The following WDR76 variants were observed in gnomAD, a reference collection of about 807,000 sequenced individuals.
WDR76 encodes the protein WD repeat domain 76.
WDR76 carries 52 observed loss-of-function variants against 70.2 expected under a neutral mutation model. That is an observed-to-expected ratio of 0.74 (90% confidence interval 0.59 to 0.93). WDR76 has a LOEUF of 0.93. Among genes scored for constraint, WDR76 ranks in the 40% least tolerant of loss-of-function variants. WDR76 has a pLI of 0.00. For synonymous variants in WDR76, 292 were observed against 271.1 expected (o/e 1.08, Z -0.76); for missense variants, 756 against 760.2 (o/e 0.99, Z 0.07).
At chr15:43,841,766 A>C (rs1249093404) in intron 5 of WDR76, among the ~76,000 whole-genome samples, 8 of 152,236 alleles carry the variant, frequency 5.3e-5, no homozygotes, top group Admixed American at 4.6e-4. Context: ...ATACTGAGTA[A>C]TGAGTTAAGA....
intron 4 of WDR76, 22 bp from the exon 5 acceptor site, chr15:43,839,583 G>C (rs745488910): frequency 4.4e-6 from 7 of 1,592,832 alleles, no homozygotes; most frequent in Non-Finnish European, 5.1e-6. Flanking sequence ...AGTATAACAT[G>C]AGTTTTTCCC....
At chr15:43,852,884 CT>C (rs2087879849) in intron 9 of WDR76, among the ~76,000 whole-genome samples, 1 of 151,868 alleles carries the variant, frequency 6.6e-6, no homozygotes, top group Non-Finnish European at 1.5e-5. Context: ...TGTTTCTATT[CT>C]TTCTTTATAT....
Position 43,827,946 on chromosome 15 carries a change from C to G in WDR76, c.61-19C>G. ...ACTTGGAGTTCTAATATTCTGTTTT[C>G]TTTTATTGATCTGAATAGGTAAATG... is the stretch of plus-strand genomic sequence containing the variant. On this transcript the variant is annotated intron_variant, in intron 1 of 12. Transcript: ENST00000263795. 6.4e-7 allele frequency: 1 copy of G among 1,573,478 alleles called. No individual in the cohort carries two copies. The highest frequency in any genetic ancestry group is 8.6e-7 in the Non-Finnish European group (1 of 1,164,130).
chr15:43,855,233 C>T (rs1017402094), intron 9 of WDR76, among the ~76,000 whole-genome samples: 1 of 152,192 alleles, frequency 6.6e-6, no homozygotes, highest in Non-Finnish European at 1.5e-5. Context: ...TTATACTAGG[C>T]ACTATCTTGA....
intron 11 of WDR76, among the ~76,000 whole-genome samples, chr15:43,860,796 A>G (rs1468773175): frequency 6.6e-6 from 1 of 152,008 alleles, no homozygotes; most frequent in Non-Finnish European, 1.5e-5. Flanking sequence ...CATGAGCCAC[A>G]ACACTCAGCC....
intron 11 of WDR76, among the ~76,000 whole-genome samples, chr15:43,859,706 T>G (rs1484867505): frequency 6.6e-6 from 1 of 152,206 alleles, no homozygotes; most frequent in Non-Finnish European, 1.5e-5. Flanking sequence ...TTTCCACTCA[T>G]GTAGTTTCCT....
intron 9 of WDR76, among the ~76,000 whole-genome samples, chr15:43,855,923 A>T (rs2087921099): frequency 6.6e-6 from 1 of 152,036 alleles, no homozygotes; most frequent in African/African-American, 2.4e-5. Flanking sequence ...CCTGTTGTTC[A>T]TTCCCATTAT....
chr15:43,851,858 C>T (rs2087863966), intron 9 of WDR76, among the ~76,000 whole-genome samples: 1 of 152,074 alleles, frequency 6.6e-6, no homozygotes. Flanking sequence ...TCACTTGAGC[C>T]CAGGAGTTCA....
intron 3 of WDR76, 124 bp from the exon 4 acceptor site, chr15:43,836,037 A>C (rs112525768): frequency 2.6e-6 from 2 of 770,564 alleles, no homozygotes. Flanking sequence ...CTCATGGCCT[A>C]TCTTAAGGAT....
intron 12 of WDR76, among the ~76,000 whole-genome samples, chr15:43,862,157 C>A (rs2088005615): frequency 6.6e-6 from 1 of 151,752 alleles, no homozygotes; most frequent in Non-Finnish European, 1.5e-5. Flanking sequence ...TATTTTACAT[C>A]AAACTTTACT....
intron 9 of WDR76, among the ~76,000 whole-genome samples, chr15:43,852,694 T>C (rs1440193170): frequency 6.6e-6 from 1 of 152,172 alleles, no homozygotes; most frequent in African/African-American, 2.4e-5. Flanking sequence ...GGACATTTCA[T>C]ATAAATGAAA....
chr15:43,866,376 A>T lies in WDR76; in HGVS notation c.1865A>T (p.Asn622Ile). ...AGCGGGAAGATACATGTTTTTATGA[A>T]TGAAAAAAGCTGCTGAGTTTTTGGT... ...NSSGKIHVFM[N>I]EKSC is the part of the protein sequence containing the mutation. Residue 622 changes from asparagine to isoleucine, a missense_variant, in exon 13 of 13, where the codon AAT (asparagine) becomes ATT (isoleucine). Physicochemically the swap from Asn to Ile is moderately radical, Grantham distance 149. Coordinates refer to ENST00000263795, the MANE Select transcript of WDR76 (RefSeq NM_024908.4). The T allele has an allele frequency of 6.2e-7, 1 of 1,613,854 alleles. No individual in the cohort carries two copies. Among genetic ancestry groups the T allele is most frequent in the Non-Finnish European group, 8.5e-7 (1 of 1,179,710 alleles).
At chr15:43,843,288 T>C (rs1271557545) in intron 7 of WDR76, among the ~76,000 whole-genome samples, 1 of 152,180 alleles carries the variant, frequency 6.6e-6, no homozygotes, top group Non-Finnish European at 1.5e-5. Flanking sequence ...CCCAAAGTGC[T>C]GGGATTACAG....
At position 43,842,217 on chromosome 15, in the gene WDR76, T is replaced by C. The variant is rs142567139; in HGVS notation, c.733-198T>C. On this transcript the variant is annotated intron_variant, in intron 5 of 12. Coordinates refer to ENST00000263795, the MANE Select transcript of WDR76 (RefSeq NM_024908.4). Reference sequence around the variant, plus strand: ...AGGTTGTTGAGAGGATTAAATGAGATAATACATGTTATTATTACTTTATAG... The same window carrying C: ...AGGTTGTTGAGAGGATTAAATGAGACAATACATGTTATTATTACTTTATAG... 9.9e-4 allele frequency among the ~76,000 whole-genome samples: 151 copies of C among 152,348 alleles called. 3 individuals carry two copies. In the East Asian group the frequency reaches 0.019, roughly 19 times the overall value.
At chr15:43,854,950 CAAAAAAA>C (rs535509405) in intron 9 of WDR76, among the ~76,000 whole-genome samples, 2 of 97,186 alleles carry the variant, frequency 2.1e-5, no homozygotes, top group African/African-American at 8.0e-5. Flanking sequence ...GACTCCATCT[CAAAAAAA>C]AAAAAAAAAG....
intron 4 of WDR76, among the ~76,000 whole-genome samples, chr15:43,838,020 C>T (rs1193733230): frequency 6.6e-6 from 1 of 151,076 alleles, no homozygotes; most frequent in African/African-American, 2.4e-5. Flanking sequence ...GGACTATAGG[C>T]GCCCGCCACC....
chr15:43,836,591 AG>A (rs570265209), intron 4 of WDR76, among the ~76,000 whole-genome samples: 20 of 152,324 alleles, frequency 1.3e-4, no homozygotes, highest in African/African-American at 4.8e-4. Flanking sequence ...CCTAGAATAA[AG>A]GAAAGGAATT....
chr15:43,866,363 C>A lies in WDR76; in HGVS notation c.1852C>A (p.His618Asn). Residue 618 changes from histidine to asparagine, a missense_variant, in exon 13 of 13, where the codon CAT becomes AAT. Transcript: ENST00000263795. ...LAGGNSSGKI[H>N]VFMNEKSC Reference sequence around the variant, plus strand: ...TGGAGGTAATTCCAGCGGGAAGATACATGTTTTTATGAATGAAAAAAGCTG... The same window carrying A: ...TGGAGGTAATTCCAGCGGGAAGATAAATGTTTTTATGAATGAAAAAAGCTG... 5 of 1,614,022 alleles carry A rather than the reference C, an allele frequency of 3.1e-6. No homozygotes were observed. The highest frequency in any genetic ancestry group is 4.2e-6 in the Non-Finnish European group (5 of 1,179,940).
intron 4 of WDR76, among the ~76,000 whole-genome samples, chr15:43,838,278 C>T (rs1253507098): frequency 6.6e-6 from 1 of 152,166 alleles, no homozygotes; most frequent in African/African-American, 2.4e-5. Flanking sequence ...CTCTGCCTCC[C>T]AGGTTCAAGC....
Sources: gnomAD v4.1 joint callset for allele counts (sites outside exome capture counted in the v4.1 genomes callset) on GRCh38, gnomAD v4.1.1 for gene constraint, MANE v1.5 for transcripts, NCBI Gene and HGNC (gene_info 2026-07-23, HGNC 2026-07-21) for gene names.